ZHX2: variants seen among roughly 807,000 people sequenced by gnomAD.
ZHX2 encodes the protein zinc fingers and homeoboxes protein 2.
A neutral mutation model predicts 21.9 loss-of-function variants in ZHX2; 6 were observed. The ratio of observed to expected loss-of-function variants is 0.27; its 90% CI spans 0.15 to 0.54. The LOEUF (loss-of-function observed/expected upper bound fraction) is 0.54, where lower values mean the gene tolerates loss of function less well. Ranked by LOEUF, ZHX2 falls within the 20% of genes least tolerant of loss-of-function variation. ZHX2 has a pLI of 0.95. For missense variants in ZHX2, 908 were observed against 1,090.7 expected, an observed-to-expected ratio of 0.83 and a Z score of 2.36; for synonymous variants, 434 against 437.1, an observed-to-expected ratio of 0.99 and a Z score of 0.09.
intron 1 of ZHX2, among the ~76,000 whole-genome samples, chr8:122,846,745 G>T (rs1818760054): frequency 6.6e-6 from 1 of 151,888 alleles, no homozygotes; most frequent in Non-Finnish European, 1.5e-5. Context: ...TGGCAAAACT[G>T]CAATTACTTT....
Position 122,831,474 on chromosome 8 carries a change from C to T in ZHX2, c.-282-32003C>T, listed in dbSNP as rs190451704. Among the ~76,000 whole-genome samples, 260 of 152,278 alleles carry T rather than the reference C, an allele frequency of 1.7e-3. 3 individuals are homozygous for T. In the Middle Eastern group the frequency reaches 0.027, roughly 16 times the overall value. On this transcript the variant is annotated intron_variant, in intron 1 of 3. Transcript: ENST00000314393. ...GGAAGGCTTTGAGAGTGAAGAAGAA[C>T]GAAGCGCCCTTCTTTGACATACCAT...
chr8:122,792,070 A>G (rs1439450013), intron 1 of ZHX2, among the ~76,000 whole-genome samples: 3 of 152,168 alleles, frequency 2.0e-5, no homozygotes, highest in Non-Finnish European at 4.4e-5. Flanking sequence ...ATGTGACTTT[A>G]GAACATTTTT....
intron 1 of ZHX2, among the ~76,000 whole-genome samples, chr8:122,841,805 T>A (rs1284446086): frequency 6.6e-6 from 1 of 152,102 alleles, no homozygotes; most frequent in Non-Finnish European, 1.5e-5. Flanking sequence ...AGCGTCTGTG[T>A]GAGATCAGAT....
At chr8:122,884,290 C>T (rs1359689608) in intron 2 of ZHX2, among the ~76,000 whole-genome samples, 2 of 152,182 alleles carry the variant, frequency 1.3e-5, no homozygotes, top group Non-Finnish European at 2.9e-5. Flanking sequence ...TCCGTTCAGT[C>T]GGATAAAGTT....
intron 3 of ZHX2, among the ~76,000 whole-genome samples, chr8:122,959,600 G>A (rs1750481228): frequency 6.6e-6 from 1 of 152,112 alleles, no homozygotes; most frequent in Non-Finnish European, 1.5e-5. Context: ...GTTGGGATCT[G>A]GTATTTCAAT....
chr8:122,811,495 C>T (rs954682921), intron 1 of ZHX2, among the ~76,000 whole-genome samples: 1 of 152,210 alleles, frequency 6.6e-6, no homozygotes, highest in Non-Finnish European at 1.5e-5. Flanking sequence ...GCCCTGCATC[C>T]ACGCCATGGA....
chr8:122,846,937 G>A (rs16897531), intron 1 of ZHX2, among the ~76,000 whole-genome samples: 19,451 of 152,092 alleles, frequency 0.13, 2,275 homozygotes, highest in African/African-American at 0.31. Context: ...ACGAGCATGT[G>A]AACTACAATA....
rs1382800217 is a variant in ZHX2, at chr8:122,861,623, C to T, written c.-282-1854C>T. ...TATCGTAAATCTATGCTGTGATGTC[C>T]CCCTCCTCATCAGGAGCAGCTAGAC... is the stretch of plus-strand genomic sequence containing the variant. On this transcript the variant is annotated intron_variant, in intron 1 of 3. Coordinates refer to ENST00000314393, the MANE Select transcript of ZHX2 (RefSeq NM_014943.5). Among the ~76,000 whole-genome samples the T allele has an allele frequency of 2.6e-5, 4 of 151,988 alleles. No individual in the cohort carries two copies. The East Asian group carries it at 7.7e-4, about 29-fold the overall frequency.
At chr8:122,851,616 G>A (rs1212953188) in intron 1 of ZHX2, among the ~76,000 whole-genome samples, 3 of 152,216 alleles carry the variant, frequency 2.0e-5, no homozygotes, top group African/African-American at 7.2e-5. Flanking sequence ...CTCAGTACCT[G>A]GCACATGTGA....
intron 2 of ZHX2, among the ~76,000 whole-genome samples, chr8:122,932,346 C>T (rs1221324634): frequency 4.6e-5 from 7 of 152,156 alleles, no homozygotes; most frequent in Non-Finnish European, 2.9e-5. Context: ...TGTCAAAAAT[C>T]AGATGCACTG....
At chr8:122,859,130 C>T (rs573171272) in intron 1 of ZHX2, among the ~76,000 whole-genome samples, 5 of 152,316 alleles carry the variant, frequency 3.3e-5, no homozygotes, top group South Asian at 4.1e-4. Context: ...ACACAGAACA[C>T]GTGTGAGAGA....
chr8:122,831,609 C>T (rs560937055), intron 1 of ZHX2, among the ~76,000 whole-genome samples: 1 of 152,238 alleles, frequency 6.6e-6, no homozygotes, highest in East Asian at 1.9e-4. Flanking sequence ...GGTTGTAGGG[C>T]CACTTGTTTG....
chr8:122,973,099 C>G (rs1813767110), intron 3 of ZHX2, 143 bp from the exon 4 acceptor site: 1 of 152,192 alleles, frequency 6.6e-6, no homozygotes, highest in East Asian at 1.9e-4. Flanking sequence ...GGGCATGTGT[C>G]TCTCTTCCAA....
chr8:122,843,608 A>G (rs987540860), intron 1 of ZHX2, among the ~76,000 whole-genome samples: 1 of 152,178 alleles, frequency 6.6e-6, no homozygotes, highest in African/African-American at 2.4e-5. Context: ...ATTTGGGTGG[A>G]AACGGTGAAC....
chr8:122,864,516 C>T (rs570420420), intron 2 of ZHX2, among the ~76,000 whole-genome samples: 3 of 152,076 alleles, frequency 2.0e-5, no homozygotes, highest in Admixed American at 6.6e-5. Context: ...GGGAGCCTAT[C>T]TCATGCCAGA....
intron 2 of ZHX2, among the ~76,000 whole-genome samples, chr8:122,896,751 TG>T (rs1820109851): frequency 6.6e-6 from 1 of 152,206 alleles, no homozygotes; most frequent in Non-Finnish European, 1.5e-5. Context: ...TCTACCTCCC[TG>T]TGTTCCTGGT....
intron 3 of ZHX2, among the ~76,000 whole-genome samples, chr8:122,970,735 A>G (rs564166163): frequency 3.0e-4 from 45 of 152,266 alleles, no homozygotes; most frequent in African/African-American, 1.0e-3. Context: ...GGAAGTCCCC[A>G]TTTGCTGGGG....
At chr8:122,930,755 G>A (rs887308191) in intron 2 of ZHX2, among the ~76,000 whole-genome samples, 1 of 151,848 alleles carries the variant, frequency 6.6e-6, no homozygotes, top group Non-Finnish European at 1.5e-5. Context: ...CTCCCAAAGT[G>A]CTGGGAATAC....
At position 122,851,523 on chromosome 8, in the gene ZHX2, T is replaced by C. The variant is rs561573915; in HGVS notation, c.-282-11954T>C. Among the ~76,000 whole-genome samples the C allele has an allele frequency of 3.3e-5, 5 of 152,298 alleles. No individual in the cohort carries two copies. In the East Asian group the frequency reaches 9.7e-4, roughly 29 times the overall value. On this transcript the variant is annotated intron_variant, in intron 1 of 3. Transcript: ENST00000314393. Reference sequence around the variant, plus strand: ...TATTCTGGTTTTTCTTCAAAACATTTAGTGCAAGGTCAGATTGTCTGCTTT... The same window carrying C: ...TATTCTGGTTTTTCTTCAAAACATTCAGTGCAAGGTCAGATTGTCTGCTTT...
Sources: gnomAD v4.1 joint callset for allele counts (sites outside exome capture counted in the v4.1 genomes callset) on GRCh38, gnomAD v4.1.1 for gene constraint, MANE v1.5 for transcripts, NCBI Gene and HGNC (gene_info 2026-07-23, HGNC 2026-07-21) for gene names.